The following TGFBRAP1 variants were observed in gnomAD, a reference collection of about 807,000 sequenced individuals.
TGFBRAP1 encodes the protein transforming growth factor-beta receptor-associated protein 1.
TGFBRAP1 carries 20 observed loss-of-function variants against 83.2 expected under a neutral mutation model. That is an observed-to-expected ratio of 0.24 (90% CI 0.17 to 0.35). The LOEUF (loss-of-function observed/expected upper bound fraction) is 0.35. Ranked by LOEUF, TGFBRAP1 falls within the 10% of genes least tolerant of loss-of-function variation. The pLI, the probability that TGFBRAP1 is intolerant of heterozygous loss-of-function variation, is 1.00. For missense variants in TGFBRAP1, 950 were observed against 1,099.4 expected, an observed-to-expected ratio of 0.86 and a Z score of 1.92; for synonymous variants, 415 against 459.8, an observed-to-expected ratio of 0.90 and a Z score of 1.25.
the TGFBRAP1 span, among the ~76,000 whole-genome samples, chr2:105,256,966 C>T: frequency 2.6e-5 from 4 of 152,326 alleles, no homozygotes; most frequent in East Asian, 7.7e-4. Flanking sequence ...TTACAAATGC[C>T]ATGGCAACGT....
At chr2:105,283,447 T>C (rs906424225) in intron 5 of TGFBRAP1, among the ~76,000 whole-genome samples, 1 of 152,260 alleles carries the variant, frequency 6.6e-6, no homozygotes, top group South Asian at 2.1e-4. Flanking sequence ...ACTACTTGGA[T>C]GAAAATATCT....
chr2:105,273,414 C>T, intron 9 of TGFBRAP1, 130 bp downstream of exon 9: 1 of 1,304,542 alleles, frequency 7.7e-7, no homozygotes. Context: ...AGGCCGCCAT[C>T]AGACCATCAA....
chr2:105,316,652 A>G (rs539228714), intron 1 of TGFBRAP1, among the ~76,000 whole-genome samples: 1 of 152,054 alleles, frequency 6.6e-6, no homozygotes, highest in African/African-American at 2.4e-5. Flanking sequence ...CGTCTCTACT[A>G]AAAATACAAA....
At chr2:105,275,991 G>T (rs559095944) in intron 7 of TGFBRAP1, among the ~76,000 whole-genome samples, 1 of 152,104 alleles carries the variant, frequency 6.6e-6, no homozygotes, top group African/African-American at 2.4e-5. Context: ...ATGCAGGGAG[G>T]TGAATATATT....
intron 7 of TGFBRAP1, among the ~76,000 whole-genome samples, chr2:105,277,083 C>T (rs374818556): frequency 1.2e-4 from 19 of 152,270 alleles, no homozygotes; most frequent in African/African-American, 4.3e-4. Context: ...GCTAATAAAT[C>T]GATGCCATTT....
At chr2:105,325,662 T>C (rs1393434462) in intron 1 of TGFBRAP1, among the ~76,000 whole-genome samples, 3 of 152,152 alleles carry the variant, frequency 2.0e-5, no homozygotes, top group Non-Finnish European at 2.9e-5. Flanking sequence ...CCTGTGGCTC[T>C]ATCTGCTTGC....
intron 2 of TGFBRAP1, among the ~76,000 whole-genome samples, chr2:105,306,047 G>C (rs1411440855): frequency 7.4e-6 from 1 of 134,470 alleles, no homozygotes; most frequent in Non-Finnish European, 1.6e-5. Context: ...GAGTTTTCTG[G>C]TTTTTTGTTT....
intron 8 of TGFBRAP1, among the ~76,000 whole-genome samples, chr2:105,274,223 G>C (rs529461432): frequency 6.6e-6 from 1 of 152,024 alleles, no homozygotes; most frequent in Non-Finnish European, 1.5e-5. Context: ...GTAAGTTTCC[G>C]GGCTGCCTTC....
intron 5 of TGFBRAP1, among the ~76,000 whole-genome samples, chr2:105,283,401 C>G (rs1677607978): frequency 6.6e-6 from 1 of 152,090 alleles, no homozygotes; most frequent in Non-Finnish European, 1.5e-5. Flanking sequence ...GGCAGACCTC[C>G]TACAGAACAG....
downstream of TGFBRAP1, among the ~76,000 whole-genome samples, chr2:105,261,753 A>G (rs1676792852): frequency 6.6e-6 from 1 of 152,152 alleles, no homozygotes; most frequent in Non-Finnish European, 1.5e-5. Context: ...CTCCATCTCA[A>G]AAAAGGACAG....
intron 3 of TGFBRAP1, 134 bp from the exon 4 acceptor site, chr2:105,296,644 CA>C (rs1294295914): frequency 1.1e-6 from 1 of 947,850 alleles, no homozygotes; most frequent in African/African-American, 1.7e-5. Context: ...GGAATTCCTA[CA>C]AAAATTATAA....
At position 105,269,661 on chromosome 2, in the gene TGFBRAP1, G is replaced by A. The variant is rs1677081865; in HGVS notation, c.2017C>T (p.His673Tyr). Residue 673 changes from histidine (H) to tyrosine (Y), a missense_variant, in exon 11 of 12, where the codon CAC (histidine) becomes TAC (tyrosine). Physicochemically the swap from His to Tyr is moderately conservative, Grantham distance 83 (BLOSUM62 2). Coordinates refer to ENST00000393359, the MANE Select transcript of TGFBRAP1 (RefSeq NM_004257.6). This position sits in a 1 kb window ranked among gnomAD's most constrained non-coding sequence, Gnocchi z 4.1. Reference protein sequence around the residue: ...AGLPMESAILHGKLGEHEKAL... With the variant: ...AGLPMESAILYGKLGEHEKAL... ...TTCTCATGCTCGCCCAGCTTCCCGTGCAGGATGGCGCTCTCCATGGGCAGG... is the reference window on the plus strand; with the variant it reads ...TTCTCATGCTCGCCCAGCTTCCCGTACAGGATGGCGCTCTCCATGGGCAGG... The A allele has an allele frequency of 1.3e-6, 2 of 1,576,788 alleles. No individual in the cohort carries two copies. Among genetic ancestry groups the A allele is most frequent in the African/African-American group, 1.3e-5 (1 of 74,606 alleles).
chr2:105,253,876 T>C, the TGFBRAP1 span, among the ~76,000 whole-genome samples: 3 of 152,190 alleles, frequency 2.0e-5, no homozygotes, highest in African/African-American at 7.2e-5. Context: ...TGTATAAAAA[T>C]ATGCTTTTTC....
intron 1 of TGFBRAP1, among the ~76,000 whole-genome samples, chr2:105,322,685 A>G (rs1418500164): frequency 6.6e-6 from 1 of 152,194 alleles, no homozygotes; most frequent in African/African-American, 2.4e-5. Context: ...CCATACCCAT[A>G]TAGCTTAGGG....
At chr2:105,281,511 A>G (rs1677536897) in intron 5 of TGFBRAP1, among the ~76,000 whole-genome samples, 1 of 152,148 alleles carries the variant, frequency 6.6e-6, no homozygotes, top group African/African-American at 2.4e-5. Context: ...CCTTCATCCA[A>G]GCTCTGATCA....
At chr2:105,312,627 A>G (rs980774618) in intron 1 of TGFBRAP1, among the ~76,000 whole-genome samples, 3 of 152,226 alleles carry the variant, frequency 2.0e-5, no homozygotes, top group Admixed American at 6.5e-5. Context: ...GGGTCAAAAT[A>G]AAAATATTAG....
chr2:105,276,605 C>T (rs1481003458), intron 7 of TGFBRAP1, among the ~76,000 whole-genome samples: 3 of 152,076 alleles, frequency 2.0e-5, no homozygotes, highest in Non-Finnish European at 4.4e-5. Flanking sequence ...GAGATTTATC[C>T]CATATCACTT....
chr2:105,312,335 C>G (rs1436205921), intron 1 of TGFBRAP1, among the ~76,000 whole-genome samples: 1 of 151,996 alleles, frequency 6.6e-6, no homozygotes, highest in South Asian at 2.1e-4. Context: ...TTAAAAAATT[C>G]ACTTTAAAAG....
intron 2 of TGFBRAP1, among the ~76,000 whole-genome samples, chr2:105,306,206 G>T (rs1045774773): frequency 7.2e-5 from 11 of 151,818 alleles, no homozygotes; most frequent in Admixed American, 2.0e-4. Flanking sequence ...GGGATTACAG[G>T]CATGCACCAC....
Sources: allele counts gnomAD v4.1 joint callset (sites outside exome capture counted in the v4.1 genomes callset), GRCh38; gene constraint gnomAD v4.1.1; non-coding constraint Gnocchi (gnomAD v3.1); transcripts MANE v1.5; gene names NCBI Gene and HGNC (gene_info 2026-07-23, HGNC 2026-07-21).